DGKI: variants seen among roughly 807,000 people sequenced by gnomAD.
DGKI encodes DAG kinase iota.
In DGKI, 55 loss-of-function variants were observed where a neutral mutation model predicts 147.5. The ratio of observed to expected loss-of-function variants is 0.37; its 90% CI spans 0.30 to 0.47. The LOEUF is 0.47. DGKI is among the 20% of genes least tolerant of loss of function. The pLI is 1.00. For synonymous variants in DGKI, 469 were observed against 477.1 expected (o/e 0.98, Z 0.22); for missense variants, 1,007 against 1,323.8 (o/e 0.76, Z 3.71).
chr7:137,768,630 C>T (rs796886505), intron 1 of DGKI, among the ~76,000 whole-genome samples: 6 of 152,302 alleles, frequency 3.9e-5, no homozygotes, highest in African/African-American at 1.2e-4. Flanking sequence ...CACGTACAGG[C>T]CCCGGGCAGA....
At chr7:137,680,043 T>C (rs1328420541) in intron 2 of DGKI, among the ~76,000 whole-genome samples, 1 of 149,806 alleles carries the variant, frequency 6.7e-6, no homozygotes. Flanking sequence ...ACCCTCAATG[T>C]GACAGAATGT....
chr7:137,488,678 C>T (rs1430843780), intron 21 of DGKI, among the ~76,000 whole-genome samples: 1 of 152,146 alleles, frequency 6.6e-6, no homozygotes, highest in African/African-American at 2.4e-5. Context: ...CAATCGTTCA[C>T]TCATTGAGTG....
intron 1 of DGKI, among the ~76,000 whole-genome samples, chr7:137,699,215 T>C (rs1230586943): frequency 6.6e-6 from 1 of 152,168 alleles, no homozygotes; most frequent in African/African-American, 2.4e-5. Flanking sequence ...ATCCCACTCA[T>C]GCAGACTCCA....
chr7:137,400,372 G>A (rs557312261), intron 30 of DGKI, among the ~76,000 whole-genome samples: 2 of 152,342 alleles, frequency 1.3e-5, no homozygotes, highest in East Asian at 1.9e-4. Context: ...TTAGGCAACA[G>A]GGGCCTTGTT....
At chr7:137,835,034 T>G (rs963744522) in intron 1 of DGKI, among the ~76,000 whole-genome samples, 2 of 152,238 alleles carry the variant, frequency 1.3e-5, no homozygotes, top group African/African-American at 2.4e-5. Context: ...TTTTCTATCT[T>G]CATTTTGAAG....
rs1465319521 is a variant in DGKI at position 137,821,548 on chromosome 7, AACTTCCAGGTCACTATGG to A, written c.401+24896_401+24913del. 2.0e-5 allele frequency among the ~76,000 whole-genome samples: 3 copies of A among 152,292 alleles called. No homozygotes were observed. In the East Asian group the frequency reaches 5.8e-4, roughly 29 times the overall value. On this transcript the variant is annotated intron_variant, in intron 1 of 32. Coordinates refer to ENST00000614521, the MANE Select transcript of DGKI (RefSeq NM_001321708.2). The stretch of plus-strand genomic sequence containing the variant: ...TGTTGTAAAGCAAAACAGAATAAGC[AACTTCCAGGTCACTATGG>A]TGAGCTGGACACATACTTTTAGCCC...
At chr7:137,445,652 A>G (rs1156698455) in intron 27 of DGKI, among the ~76,000 whole-genome samples, 2 of 152,156 alleles carry the variant, frequency 1.3e-5, no homozygotes, top group Non-Finnish European at 2.9e-5. Context: ...CATCACACTG[A>G]TATTCAGACT....
At chr7:137,795,791 A>T (rs1797006440) in intron 1 of DGKI, among the ~76,000 whole-genome samples, 2 of 152,190 alleles carry the variant, frequency 1.3e-5, no homozygotes, top group Admixed American at 6.5e-5. Flanking sequence ...GCATACTCTA[A>T]CTCACACATA....
intron 23 of DGKI, among the ~76,000 whole-genome samples, chr7:137,472,991 G>A (rs555722224): frequency 1.3e-5 from 2 of 152,052 alleles, no homozygotes; most frequent in Non-Finnish European, 2.9e-5. Flanking sequence ...ACTATCTCTA[G>A]GCTATTCTAA....
In DGKI at chr7:137,449,768, G is replaced by A. The variant is rs534400345; in HGVS notation, c.2736-5666C>T. ...CTACCATATGATTCAGCAATCATAA[G>A]GTAAATATTAAAAGTAAGTATTAAA... On this transcript the variant is annotated intron_variant, in intron 27 of 32. Coordinates refer to ENST00000614521, the MANE Select transcript of DGKI (RefSeq NM_001321708.2). Among the ~76,000 whole-genome samples, 38 of 152,236 alleles carry A rather than the reference G, an allele frequency of 2.5e-4. No individual in the cohort carries two copies. In the South Asian group the frequency reaches 5.8e-3, roughly 23 times the overall value.
intron 1 of DGKI, among the ~76,000 whole-genome samples, chr7:137,818,708 C>T (rs994587641): frequency 6.6e-6 from 1 of 152,166 alleles, no homozygotes; most frequent in Admixed American, 6.5e-5. Context: ...TCCCAAAGTG[C>T]TGGGATTACA....
chr7:137,761,676 T>C (rs1292686965), intron 1 of DGKI, among the ~76,000 whole-genome samples: 1 of 152,212 alleles, frequency 6.6e-6, no homozygotes, highest in Non-Finnish European at 1.5e-5. Flanking sequence ...CACAGATTCC[T>C]GTTCTGGACC....
At chr7:137,434,260 C>T (rs576121416) in intron 28 of DGKI, among the ~76,000 whole-genome samples, 36 of 152,188 alleles carry the variant, frequency 2.4e-4, no homozygotes, top group African/African-American at 8.4e-4. Context: ...CAACCCAATG[C>T]AATGCTGTAG....
At chr7:137,455,820 A>T (rs1444580949) in intron 27 of DGKI, among the ~76,000 whole-genome samples, 1 of 152,108 alleles carries the variant, frequency 6.6e-6, no homozygotes, top group Non-Finnish European at 1.5e-5. Context: ...TTCCAGTGAT[A>T]ATATGACATC....
intron 20 of DGKI, among the ~76,000 whole-genome samples, chr7:137,539,080 C>G (rs1817607740): frequency 2.6e-5 from 4 of 152,176 alleles, no homozygotes; most frequent in Admixed American, 2.6e-4. Flanking sequence ...TCCCACTACA[C>G]TACTCAGGCC....
rs376606333 is a variant in DGKI, at chr7:137,643,148, G to A, written c.804+2324C>T. ...CTACTAAAAATACAAAAAATTAGCCGGGCGTGTTGGCGGGCGCCTGTAGTC... is the reference window on the plus strand; with the variant it reads ...CTACTAAAAATACAAAAAATTAGCCAGGCGTGTTGGCGGGCGCCTGTAGTC... On this transcript the variant is annotated intron_variant, in intron 6 of 32. Coordinates refer to ENST00000614521, the MANE Select transcript of DGKI (RefSeq NM_001321708.2). Among the ~76,000 whole-genome samples, 476 of 151,588 alleles carry A rather than the reference G, an allele frequency of 3.1e-3. 2 individuals carry two copies. Among genetic ancestry groups the A allele is most frequent in the African/African-American group, 0.011 (455 of 41,328 alleles).
chr7:137,589,812 C>G (rs1025097046), intron 12 of DGKI, among the ~76,000 whole-genome samples: 1 of 152,138 alleles, frequency 6.6e-6, no homozygotes, highest in Non-Finnish European at 1.5e-5. Context: ...AGGAAGAAGG[C>G]ATTCTCCTTA....
chr7:137,556,177 A>T (rs1220072125), intron 19 of DGKI, among the ~76,000 whole-genome samples: 1 of 152,140 alleles, frequency 6.6e-6, no homozygotes, highest in African/African-American at 2.4e-5. Context: ...CTTTTATGAT[A>T]AAAATGAATT....
At chr7:137,704,216 TA>T (rs1477807327) in intron 1 of DGKI, among the ~76,000 whole-genome samples, 1 of 152,022 alleles carries the variant, frequency 6.6e-6, no homozygotes, top group African/African-American at 2.4e-5. Flanking sequence ...GCACCTATAT[TA>T]AAAATATTTA....
Sources: gnomAD v4.1 joint callset for allele counts (sites outside exome capture counted in the v4.1 genomes callset) on GRCh38, gnomAD v4.1.1 for gene constraint, MANE v1.5 for transcripts, NCBI Gene and HGNC (gene_info 2026-07-23, HGNC 2026-07-21) for gene names.